The following MMS19 variants were observed in gnomAD, a reference collection of about 807,000 sequenced individuals.
MMS19 encodes MMS19 nucleotide excision repair protein homolog.
In MMS19, 77 loss-of-function variants were observed where a neutral mutation model predicts 129.8. That is an observed-to-expected ratio of 0.59 (90% confidence interval 0.49 to 0.72). The LOEUF is 0.72. Ranked by LOEUF, MMS19 falls within the 30% of genes least tolerant of loss-of-function variation. The pLI, the probability that MMS19 is intolerant of heterozygous loss-of-function variation, is 0.00. For missense variants in MMS19, 1,168 were observed against 1,266.3 expected (o/e 0.92, Z 1.18); for synonymous variants, 491 against 502.8 (o/e 0.98, Z 0.31).
chr10:97,474,635 C>T lies in MMS19; in HGVS notation c.684+2048G>A, dbSNP rs1405214593. On this transcript the variant is annotated intron_variant, in intron 8 of 30. Coordinates refer to ENST00000438925, the MANE Select transcript of MMS19 (RefSeq NM_022362.5). ...AGAGTATTTGTAACTCAAATAGTTACACTAAAGCCAAGTGTCTCTGTTTTA... is the reference window on the plus strand; with the variant it reads ...AGAGTATTTGTAACTCAAATAGTTATACTAAAGCCAAGTGTCTCTGTTTTA... Among the ~76,000 whole-genome samples the T allele has an allele frequency of 2.6e-5, 4 of 152,264 alleles. No individual in the cohort carries two copies. The East Asian group carries it at 7.7e-4, about 29-fold the overall frequency.
chr10:97,496,269 A>G lies in MMS19; in HGVS notation c.112+2004T>C, dbSNP rs761256879. Reference sequence around the variant, plus strand: ...AGTGGCTCATGCCTGTAATCCCAGCACTTCGGGAAGCTGAGATGGGAGGAT... The same window carrying G: ...AGTGGCTCATGCCTGTAATCCCAGCGCTTCGGGAAGCTGAGATGGGAGGAT... On this transcript the variant is annotated intron_variant, in intron 1 of 30. Coordinates refer to ENST00000438925, the MANE Select transcript of MMS19 (RefSeq NM_022362.5). Among the ~76,000 whole-genome samples the G allele has an allele frequency of 1.6e-3, 237 of 152,332 alleles. 1 individual carries two copies. Among genetic ancestry groups the G allele is most frequent in the African/African-American group, 5.5e-3 (229 of 41,574 alleles).
In MMS19 at chr10:97,458,818, A is replaced by G. The variant is rs769310133; in HGVS notation, c.3047T>C (p.Val1016Ala). ...DKKRLVRKEA[V>A]SARGEWFLLG... ...AACTCACCACTCCCCTCTGGCTGAC[A>G]CTGCTTCCTTGCGCACCAGTCTCTT... The change falls in exon 30 of 31, where the codon GTG becomes GCG. Residue 1016 changes from valine (V) to alanine (A), a missense_variant. Val to Ala is a moderately conservative substitution (Grantham distance 64, BLOSUM62 0). Transcript: ENST00000438925. The G allele has an allele frequency of 8.1e-6, 13 of 1,613,944 alleles. No individual in the cohort carries two copies. The highest frequency in any genetic ancestry group is 1.6e-4 in the Middle Eastern group (1 of 6,062).
chr10:97,483,592 C>T (rs760895961), intron 2 of MMS19, among the ~76,000 whole-genome samples: 7 of 152,218 alleles, frequency 4.6e-5, no homozygotes, highest in Non-Finnish European at 8.8e-5. Flanking sequence ...CATTAGACTA[C>T]AAGCACGTAC....
intron 21 of MMS19, 56 bp downstream of exon 21, chr10:97,461,961 C>G: frequency 6.4e-7 from 1 of 1,564,272 alleles, no homozygotes; most frequent in Non-Finnish European, 8.7e-7. Context: ...TCTACCCATT[C>G]CAGATTAGCC....
In MMS19 at chr10:97,467,572, C is replaced by T; in HGVS notation, c.1230G>A (p.Arg410=). Residue 410 remains arginine, a synonymous_variant, in exon 14 of 31, where the codon CGG becomes CGA. Transcript: ENST00000438925. ...CCAGGAGCATTTCAAGGATTGTCCG[C>T]CGCTGGCTGCTCTGTAACGTTTCAA... ...QFHKHSQSSQ[R]RTILEMLLGF... 1 of 1,613,960 alleles carries T rather than the reference C, an allele frequency of 6.2e-7. No individual in the cohort carries two copies. The highest frequency in any genetic ancestry group is 2.2e-5 in the East Asian group (1 of 44,890).
chr10:97,469,945 TGGGATGG>T (rs1554839959), intron 10 of MMS19, among the ~76,000 whole-genome samples, 177 bp downstream of exon 10: 1 of 152,018 alleles, frequency 6.6e-6, no homozygotes, highest in Non-Finnish European at 1.5e-5. Flanking sequence ...TCAGTTACTA[TGGGATGG>T]GGGATGGGAC....
rs777048749 is a variant in MMS19, at chr10:97,464,096, AAAG to A, written c.1757-86_1757-84del. On this transcript the variant is annotated intron_variant, in intron 18 of 30. Transcript: ENST00000438925. ...CAATTACACAGCAGATGAGAGGAAC[AAAG>A]AAGAGTGACTGAAGGGACCAAGAGT... is the stretch of plus-strand genomic sequence containing the variant. 1,526 of 1,310,644 alleles carry A rather than the reference AAAG, an allele frequency of 1.2e-3. 1 individual carries two copies. The highest frequency in any genetic ancestry group is 1.5e-3 in the Non-Finnish European group (1,417 of 943,930). The allele number at this position is 1,310,644 out of a possible 1,614,324, so 81.2% of individuals were successfully genotyped here.
chr10:97,464,457 G>A (rs1018652300), intron 18 of MMS19, among the ~76,000 whole-genome samples: 1 of 152,140 alleles, frequency 6.6e-6, no homozygotes, highest in Non-Finnish European at 1.5e-5. Context: ...TCTACCCACA[G>A]GGCAGGCTGC....
chr10:97,463,485 C>A (rs2032622255), intron 19 of MMS19, among the ~76,000 whole-genome samples: 1 of 152,226 alleles, frequency 6.6e-6, no homozygotes, highest in South Asian at 2.1e-4. Context: ...CTCCATCTTA[C>A]AAGTGAGGAA....
Position 97,470,182 on chromosome 10 carries a change from C to A in MMS19, c.793G>T (p.Glu265Ter). 1 of 1,608,296 alleles carries A rather than the reference C, an allele frequency of 6.2e-7. No homozygotes were observed. The highest frequency in any genetic ancestry group is 1.1e-5 in the South Asian group (1 of 89,504). ...CTCAGAACCTCAGAATCCACTTTCTCAATCAACAGGGGCAGCAGAAACTGT... is the reference window on the plus strand; with the variant it reads ...CTCAGAACCTCAGAATCCACTTTCTAAATCAACAGGGGCAGCAGAAACTGT... ...FAEFLLPLLI[E>*]KVDSEVLSAK... Residue 265 changes from glutamate (E) to a stop codon, truncating the protein, a stop_gained, in exon 10 of 31, where the codon GAG becomes TAG. Coordinates refer to ENST00000438925, the MANE Select transcript of MMS19 (RefSeq NM_022362.5). LOFTEE classifies it high-confidence loss of function.
chr10:97,496,345 G>A (rs567432014), intron 1 of MMS19, among the ~76,000 whole-genome samples: 4 of 151,828 alleles, frequency 2.6e-5, no homozygotes, highest in African/African-American at 4.8e-5. Flanking sequence ...GTGAAACCTC[G>A]TCACTACAAT....
intron 18 of MMS19, among the ~76,000 whole-genome samples, chr10:97,464,937 C>G (rs1017191817): frequency 1.3e-5 from 2 of 152,066 alleles, no homozygotes; most frequent in Non-Finnish European, 2.9e-5. Flanking sequence ...CTCTTGAGCT[C>G]AAGTGATCCA....
chr10:97,463,872 T>C lies in MMS19; in HGVS notation c.1898A>G (p.Gln633Arg), dbSNP rs568987660. The change falls in exon 19 of 31, where the codon CAG (glutamine) becomes CGG (arginine). Residue 633 changes from glutamine (Q) to arginine (R), a missense_variant. By Grantham distance (43) the Gln-to-Arg change is conservative. Coordinates refer to ENST00000438925, the MANE Select transcript of MMS19 (RefSeq NM_022362.5). ...TGGAAAGTTACCTGGCATAGAGGCCTGCACAGCCAAGGCAAGCAGGCAAGG... is the reference window on the plus strand; with the variant it reads ...TGGAAAGTTACCTGGCATAGAGGCCCGCACAGCCAAGGCAAGCAGGCAAGG... The part of the protein sequence containing the change: ...AIPCLLALAV[Q>R]ASMPEKEPSV... 1.5e-5 allele frequency: 24 copies of C among 1,611,174 alleles called. 1 individual carries two copies. The South Asian group carries it at 2.4e-4, about 16-fold the overall frequency.
Position 97,469,691 on chromosome 10 carries a change from T to C in MMS19, c.879A>G (p.Glu293=), listed in dbSNP as rs2034279197. Residue 293 remains glutamate, a synonymous_variant, in exon 11 of 31, where the codon GAA becomes GAG. Transcript: ENST00000438925. ...NACCAVYGQK[E]LKDFLPSLWA... ...AAAGGCTGGGGAGGAAGTCCTTCAGTTCCTTCTGTCCATACACAGCACAGC... is the reference window on the plus strand; with the variant it reads ...AAAGGCTGGGGAGGAAGTCCTTCAGCTCCTTCTGTCCATACACAGCACAGC... 1 of 1,613,854 alleles carries C rather than the reference T, an allele frequency of 6.2e-7. No homozygotes were observed. The highest frequency in any genetic ancestry group is 1.3e-5 in the African/African-American group (1 of 74,922).
chr10:97,483,755 C>T (rs916623758), intron 2 of MMS19, among the ~76,000 whole-genome samples: 3 of 152,352 alleles, frequency 2.0e-5, no homozygotes, highest in African/African-American at 7.2e-5. Flanking sequence ...TCTAGGCAGG[C>T]TAGCATCCCA....
intron 2 of MMS19, 70 bp downstream of exon 2, chr10:97,484,033 T>A: frequency 1.0e-6 from 1 of 992,922 alleles, no homozygotes; most frequent in Non-Finnish European, 1.5e-6. Flanking sequence ...AAAGCAGCAA[T>A]GCGCAAAAGT....
intron 8 of MMS19, among the ~76,000 whole-genome samples, chr10:97,473,247 G>A (rs1034118705): frequency 6.6e-6 from 1 of 151,924 alleles, no homozygotes; most frequent in Non-Finnish European, 1.5e-5. Flanking sequence ...TGTTGGTCAG[G>A]CTAGTCTCGA....
intron 23 of MMS19, 163 bp from the exon 24 acceptor site, chr10:97,461,170 G>C (rs2031779054): frequency 1.6e-6 from 1 of 638,958 alleles, no homozygotes; most frequent in Non-Finnish European, 2.7e-6. Context: ...TAAGAGCCTG[G>C]TATTCTCATA....
intron 3 of MMS19, 33 bp downstream of exon 3, chr10:97,480,909 C>T (rs1170023739): frequency 1.4e-6 from 2 of 1,478,196 alleles, no homozygotes; most frequent in East Asian, 4.7e-5. Flanking sequence ...GCTCAGCAAT[C>T]CAGGAAGACA....
Sources: allele counts gnomAD v4.1 joint callset (sites outside exome capture counted in the v4.1 genomes callset), GRCh38; gene constraint gnomAD v4.1.1; transcripts MANE v1.5; gene names NCBI Gene and HGNC (gene_info 2026-07-23, HGNC 2026-07-21).